The following PAMR1 variants were observed in gnomAD, a reference collection of about 807,000 sequenced individuals.
PAMR1 encodes the protein inactive serine protease PAMR1.
PAMR1 carries 88 observed loss-of-function variants against 81.8 expected under a neutral mutation model. The observed-to-expected ratio is 1.08, with a 90% CI of 0.91 to 1.28. PAMR1 has a LOEUF of 1.28. PAMR1 is among the 50% of genes most tolerant of loss of function. The probability of loss-of-function intolerance (pLI) is 0.00; values close to 1 mark genes in which losing one functional copy is unlikely to be tolerated. For synonymous variants in PAMR1, 336 were observed against 345.3 expected, an observed-to-expected ratio of 0.97 and a Z score of 0.30; for missense variants, 935 against 919.7, an observed-to-expected ratio of 1.02 and a Z score of -0.21.
Position 35,509,760 on chromosome 11 carries a change from CAGAATTCCAGGGGT to C in PAMR1, c.74-15502_74-15489del, listed in dbSNP as rs1283487682. Reference sequence around the variant, plus strand: ...AATTCTGGGAGAAAAGAGGGGTTCACAGAATTCCAGGGGTAGGGAGAGGGGCAGTGAACAAGCCT... The same window carrying C: ...AATTCTGGGAGAAAAGAGGGGTTCACAGGGAGAGGGGCAGTGAACAAGCCT... On this transcript the variant is annotated intron_variant, in intron 1 of 10. Coordinates refer to ENST00000619888, the MANE Select transcript of PAMR1 (RefSeq NM_001001991.3). 1.3e-4 allele frequency among the ~76,000 whole-genome samples: 20 copies of C among 151,922 alleles called. No individual in the cohort carries two copies. In the South Asian group the frequency reaches 2.7e-3, roughly 21 times the overall value.
At chr11:35,529,588 G>C (rs540044336), upstream of PAMR1, among the ~76,000 whole-genome samples, 2 of 150,162 alleles carry the variant, frequency 1.3e-5, no homozygotes, top group Admixed American at 1.3e-4. Flanking sequence ...CATCTGTTAA[G>C]TCTGAAGAAT....
At chr11:35,434,442 T>C in intron 10 of PAMR1, 70 bp downstream of exon 10, 1 of 1,466,478 alleles carries the variant, frequency 6.8e-7, no homozygotes, top group Admixed American at 1.8e-5. Flanking sequence ...CTTGGTATAA[T>C]CACTGCTCTC....
chr11:35,435,244 C>T (rs972590317), intron 9 of PAMR1, among the ~76,000 whole-genome samples: 15 of 152,188 alleles, frequency 9.9e-5, no homozygotes, highest in Non-Finnish European at 1.8e-4. Context: ...GTTCTCCTTT[C>T]GCAAAGAGGA....
rs550902790 is a variant in PAMR1 at position 35,436,105 on chromosome 11, C to T, written c.1131G>A (p.Ala377=). The change falls in exon 9 of 11, where the codon GCG becomes GCA. Residue 377 remains alanine (A), a synonymous_variant. Coordinates refer to ENST00000619888, the MANE Select transcript of PAMR1 (RefSeq NM_001001991.3). ...RETPLHQLYS[A]AFSKQKLQSA... ...TCTGCAGTTTCTGCTTGCTGAAGGC[C>T]GCTGAGTATAGCTGGTGTAATGGTG... 167 of 1,613,986 alleles carry T rather than the reference C, an allele frequency of 1.0e-4. 2 individuals are homozygous for T. The South Asian group carries it at 1.6e-3, about 15-fold the overall frequency.
upstream of PAMR1, among the ~76,000 whole-genome samples, chr11:35,526,540 T>G (rs1033527297): frequency 6.6e-6 from 1 of 152,202 alleles, no homozygotes; most frequent in African/African-American, 2.4e-5. Context: ...ATGTATTAAC[T>G]CAATTATTCC....
At chr11:35,475,537 A>C (rs1247478032) in intron 3 of PAMR1, among the ~76,000 whole-genome samples, 2 of 152,240 alleles carry the variant, frequency 1.3e-5, no homozygotes, top group African/African-American at 4.8e-5. Context: ...AAATTAGATC[A>C]TGTTTTCTAG....
intron 1 of PAMR1, among the ~76,000 whole-genome samples, chr11:35,503,642 G>C (rs970255413): frequency 1.3e-5 from 2 of 151,986 alleles, no homozygotes; most frequent in African/African-American, 2.4e-5. Flanking sequence ...GCTATTGTAA[G>C]TGGGTTACTT....
At chr11:35,466,543 C>T (rs188385535) in intron 6 of PAMR1, among the ~76,000 whole-genome samples, 61 of 151,892 alleles carry the variant, frequency 4.0e-4, no homozygotes, top group Admixed American at 7.9e-4. Context: ...CTGGCTAACA[C>T]GGTGCAAACC....
At chr11:35,470,565 G>T in intron 5 of PAMR1, 36 bp downstream of exon 5, 3 of 1,465,894 alleles carry the variant, frequency 2.0e-6, no homozygotes, top group Non-Finnish European at 2.9e-6. Context: ...TCTGGAGCAA[G>T]CCATAAAATG....
At chr11:35,486,806 C>A (rs1180605765) in intron 3 of PAMR1, among the ~76,000 whole-genome samples, 1 of 152,158 alleles carries the variant, frequency 6.6e-6, no homozygotes, top group Non-Finnish European at 1.5e-5. Context: ...TGCAAATATT[C>A]TTTCCTTCCT....
intron 3 of PAMR1, among the ~76,000 whole-genome samples, chr11:35,488,418 GT>G (rs1850552933): frequency 6.6e-6 from 1 of 151,448 alleles, no homozygotes. Context: ...ACAGAATCTT[GT>G]TTTGTTGATC....
chr11:35,526,681 C>T (rs1851399056), upstream of PAMR1, among the ~76,000 whole-genome samples: 1 of 152,200 alleles, frequency 6.6e-6, no homozygotes, highest in Admixed American at 6.5e-5. Context: ...CTTAGGCCCA[C>T]AGGCTATAGT....
At chr11:35,434,491 C>A in intron 10 of PAMR1, 21 bp downstream of exon 10, 1 of 1,600,216 alleles carries the variant, frequency 6.2e-7, no homozygotes, top group Non-Finnish European at 8.5e-7. Context: ...CCCCAGCTTC[C>A]AAGTGCAAGC....
chr11:35,512,158 T>C (rs1430169597), intron 1 of PAMR1, among the ~76,000 whole-genome samples: 1 of 152,220 alleles, frequency 6.6e-6, no homozygotes, highest in Non-Finnish European at 1.5e-5. Flanking sequence ...TCATGTACCC[T>C]GAGGAGAGGT....
intron 6 of PAMR1, chr11:35,451,783 G>T (rs1856423224): frequency 1.8e-6 from 1 of 569,770 alleles, no homozygotes. Flanking sequence ...GAGCCCTCAT[G>T]AACGAGATTA....
Position 35,525,531 on chromosome 11 carries a change from T to C in PAMR1, c.55A>G (p.Ile19Val). The C allele has an allele frequency of 6.2e-7, 1 of 1,613,838 alleles. No homozygotes were observed. The highest frequency in any genetic ancestry group is 8.5e-7 in the Non-Finnish European group (1 of 1,179,860). The change falls in exon 1 of 11, where the codon ATC becomes GTC. Residue 19 changes from isoleucine (I) to valine (V), a missense_variant. Coordinates refer to ENST00000619888, the MANE Select transcript of PAMR1 (RefSeq NM_001001991.3). ...ACAGTACCTCTTGGCAAGGACGAGATGAGAAGGAGCTGAAGAAAAGTGAGC... is the reference window on the plus strand; with the variant it reads ...ACAGTACCTCTTGGCAAGGACGAGACGAGAAGGAGCTGAAGAAAAGTGAGC... The part of the protein sequence containing the change: ...LGLTFLQLLL[I>V]SSLPREYTVI...
chr11:35,500,589 C>T (rs1850815361), intron 1 of PAMR1, among the ~76,000 whole-genome samples: 1 of 152,216 alleles, frequency 6.6e-6, no homozygotes, highest in African/African-American at 2.4e-5. Context: ...AGCACCAAAT[C>T]TACCGACCTC....
intron 2 of PAMR1, 87 bp from the exon 3 acceptor site, chr11:35,492,260 G>T: frequency 6.9e-7 from 1 of 1,444,482 alleles, no homozygotes; most frequent in Non-Finnish European, 9.5e-7. Context: ...CACCTTCTCA[G>T]GGCCCTGTCT....
At chr11:35,468,138 A>C in intron 5 of PAMR1, 30 bp from the exon 6 acceptor site, 1 of 1,377,502 alleles carries the variant, frequency 7.3e-7, no homozygotes, top group East Asian at 2.5e-5. Flanking sequence ...CTTCAGTGCC[A>C]CTATACATTG....
Sources: allele counts gnomAD v4.1 joint callset (sites outside exome capture counted in the v4.1 genomes callset), GRCh38; gene constraint gnomAD v4.1.1; transcripts MANE v1.5; gene names NCBI Gene and HGNC (gene_info 2026-07-23, HGNC 2026-07-21).